Variants in MYH11 observed in about 807,000 individuals in gnomAD.
MYH11 encodes the protein myosin heavy chain 11, also known as myosin-11.
MYH11 carries 80 observed loss-of-function variants against 246.6 expected under a neutral mutation model. That is an observed-to-expected ratio of 0.32 (90% confidence interval 0.27 to 0.39). The LOEUF is 0.39. Among genes scored for constraint, MYH11 ranks in the 10% least tolerant of loss-of-function variants. MYH11 has a pLI of 1.00. For missense variants in MYH11, 2,158 were observed against 2,546.8 expected (o/e 0.85, Z 3.29); for synonymous variants, 1,071 against 1,015.5 (o/e 1.05, Z -1.04).
intron 26 of MYH11, among the ~76,000 whole-genome samples, chr16:15,733,535 G>GT (rs2041027648): frequency 6.7e-6 from 1 of 150,178 alleles, no homozygotes; most frequent in African/African-American, 2.5e-5. Flanking sequence ...ACTCAGCCTG[G>GT]TTTTTTGTTT....
Position 15,786,892 on chromosome 16 carries a change from T to C in MYH11, c.531-160A>G, listed in dbSNP as rs62030569. The stretch of plus-strand genomic sequence containing the variant: ...AACTTGCCCAAGGCCACATCTCTGG[T>C]AGTGAGCGGAACTGGGTCCCCAGCC... On this transcript the variant is annotated intron_variant, in intron 4 of 40. Coordinates refer to ENST00000300036, the MANE Select transcript of MYH11 (RefSeq NM_002474.3). Among the ~76,000 whole-genome samples, 21,115 of 152,134 alleles carry C rather than the reference T, an allele frequency of 0.14. 1,591 individuals carry two copies. Among genetic ancestry groups the C allele is most frequent in the Admixed American group, 0.15 (2,329 of 15,284 alleles).
At chr16:15,726,586 T>TCAAACCC in intron 28 of MYH11, 1 of 562,862 alleles carries the variant, frequency 1.8e-6, no homozygotes, top group East Asian at 3.1e-5. Flanking sequence ...CAGACTGGTC[T>TCAAACCC]CAAACCCCTG....
intron 14 of MYH11, 139 bp downstream of exon 14, chr16:15,756,202 T>G (rs2041710714): frequency 1.1e-6 from 1 of 911,796 alleles, no homozygotes; most frequent in Non-Finnish European, 1.7e-6. Context: ...CGAATAGGAC[T>G]TGGTTGGGAT....
intron 36 of MYH11, chr16:15,718,744 C>T: frequency 2.0e-6 from 1 of 498,328 alleles, no homozygotes; most frequent in South Asian, 2.2e-5. Context: ...AGCCACACCC[C>T]CAAACAGGCA....
chr16:15,710,041 T>C (rs1160712804), intron 40 of MYH11, among the ~76,000 whole-genome samples: 1 of 152,224 alleles, frequency 6.6e-6, no homozygotes, highest in Non-Finnish European at 1.5e-5. Flanking sequence ...AGGGCTCTAG[T>C]GCCTGATTTT....
chr16:15,803,550 G>C lies in MYH11; in HGVS notation c.503-4863C>G, dbSNP rs140936749. On this transcript the variant is annotated intron_variant, in intron 3 of 40. Coordinates refer to ENST00000300036, the MANE Select transcript of MYH11 (RefSeq NM_002474.3). ...CCTCAGCCTCCCAAAGTACTAAAAAGTGATTTTTTAAAAGAGGGTGAAGGA... is the reference window on the plus strand; with the variant it reads ...CCTCAGCCTCCCAAAGTACTAAAAACTGATTTTTTAAAAGAGGGTGAAGGA... 3.2e-3 allele frequency among the ~76,000 whole-genome samples: 483 copies of C among 152,208 alleles called. 1 individual carries two copies. Among genetic ancestry groups the C allele is most frequent in the Non-Finnish European group, 5.5e-3 (371 of 68,006 alleles).
chr16:15,720,699 C>T lies in MYH11; in HGVS notation c.4791+140G>A, dbSNP rs2040420339. The T allele has an allele frequency of 9.2e-6, 9 of 975,260 alleles. No homozygotes were observed. The South Asian group carries it at 1.1e-4, about 12-fold the overall frequency. The allele number at this position is 975,260 out of a possible 1,614,324, so 60.4% of individuals were successfully genotyped here. On this transcript the variant is annotated intron_variant, in intron 33 of 40. Coordinates refer to ENST00000300036, the MANE Select transcript of MYH11 (RefSeq NM_002474.3). ...AGTGAGCTGAGATTACGCCACTGCA[C>T]TCCAGCCTGGGCGACAGAGCGAGAC...
At chr16:15,771,768 T>C (rs1596812322) in intron 8 of MYH11, 56 bp from the exon 9 acceptor site, 1 of 1,603,342 alleles carries the variant, frequency 6.2e-7, no homozygotes, top group Non-Finnish European at 8.5e-7. Context: ...AATTTCAACA[T>C]GAGACCGAGA....
In MYH11 at chr16:15,771,642, G is replaced by A. The variant is rs139211763; in HGVS notation, c.960C>T (p.Ala320=). The A allele has an allele frequency of 1.5e-5, 24 of 1,613,808 alleles. No homozygotes were observed. Among genetic ancestry groups the A allele is most frequent in the Non-Finnish European group, 1.9e-5 (22 of 1,179,984 alleles). The stretch of plus-strand genomic sequence containing the variant: ...TTTCCTGGAACATCTCATCATCCTG[G>A]GCTGCTGGGATGGGCACAAAGCCAT... ...LSNGFVPIPA[A]QDDEMFQETV... The change falls in exon 9 of 41, where the codon GCC becomes GCT. Residue 320 remains alanine, a synonymous_variant. Transcript: ENST00000300036.
At chr16:15,769,208 C>T (rs1211381481) in intron 9 of MYH11, among the ~76,000 whole-genome samples, 2 of 152,118 alleles carry the variant, frequency 1.3e-5, no homozygotes, top group Non-Finnish European at 2.9e-5. Flanking sequence ...CCCAGCTACC[C>T]AGGAGGCTCA....
chr16:15,715,216 A>C lies in MYH11; in HGVS notation c.5561T>G (p.Ile1854Ser). Residue 1854 changes from isoleucine (I) to serine (S), a missense_variant, in exon 39 of 41, where the codon ATC (isoleucine) becomes AGC (serine). By Grantham distance (142) the Ile-to-Ser change is moderately radical (BLOSUM62 -2). This residue lies in a region of MYH11 where 1,013 missense variants were observed against 993.5 expected (regional missense o/e 1.02). Coordinates refer to ENST00000300036, the MANE Select transcript of MYH11 (RefSeq NM_002474.3). ...GCGCTCGTCCTCCACCTGCAGCAAG[A>C]TTTCCTTCAGCTTCTTGTCTTTCTG... Reference protein sequence around the residue: ...LKQKDKKLKEILLQVEDERKM... With the variant: ...LKQKDKKLKESLLQVEDERKM... 1 of 1,614,034 alleles carries C rather than the reference A, an allele frequency of 6.2e-7. No homozygotes were observed. Among genetic ancestry groups the C allele is most frequent in the Non-Finnish European group, 8.5e-7 (1 of 1,180,032 alleles).
intron 4 of MYH11, among the ~76,000 whole-genome samples, chr16:15,794,697 C>T (rs1418048903): frequency 1.1e-4 from 17 of 152,108 alleles, no homozygotes. Flanking sequence ...GATGGGGAAG[C>T]CAGGGAGTTG....
intron 1 of MYH11, among the ~76,000 whole-genome samples, chr16:15,841,829 C>T (rs577973667): frequency 6.6e-6 from 1 of 152,158 alleles, no homozygotes; most frequent in Non-Finnish European, 1.5e-5. Context: ...CCACCAGGAT[C>T]TATGCGTGGT....
intron 4 of MYH11, among the ~76,000 whole-genome samples, chr16:15,789,916 A>G (rs370899892): frequency 2.0e-5 from 3 of 152,218 alleles, no homozygotes; most frequent in Non-Finnish European, 2.9e-5. Context: ...CTGACAAACC[A>G]GTGCTCCTAG....
At chr16:15,710,010 G>A (rs2039688505) in intron 40 of MYH11, among the ~76,000 whole-genome samples, 1 of 152,190 alleles carries the variant, frequency 6.6e-6, no homozygotes, top group South Asian at 2.1e-4. Flanking sequence ...GAGGAGCCAG[G>A]CATGCTTACC....
intron 1 of MYH11, among the ~76,000 whole-genome samples, chr16:15,856,457 T>A (rs72773927): frequency 2.0e-5 from 3 of 151,858 alleles, no homozygotes; most frequent in Non-Finnish European, 4.4e-5. Flanking sequence ...CACTTTGCCC[T>A]TCTGTGTGAT....
chr16:15,728,756 C>T (rs971400951), intron 27 of MYH11, among the ~76,000 whole-genome samples: 4 of 151,930 alleles, frequency 2.6e-5, no homozygotes, highest in Admixed American at 1.3e-4. Flanking sequence ...AAAAATTAGC[C>T]GGGCATGGTG....
At chr16:15,735,255 G>T in intron 26 of MYH11, 111 bp downstream of exon 26, 1 of 1,183,616 alleles carries the variant, frequency 8.4e-7, no homozygotes, top group South Asian at 1.2e-5. Flanking sequence ...CGGCCAGGAA[G>T]GTAAATGCAC....
At chr16:15,756,868 G>A (rs1000936240) in intron 13 of MYH11, among the ~76,000 whole-genome samples, 5 of 140,740 alleles carry the variant, frequency 3.6e-5, no homozygotes, top group Admixed American at 7.6e-5. Flanking sequence ...GCGCGATCTC[G>A]ACTCACTGCA....
Sources: gnomAD v4.1 joint callset for allele counts (sites outside exome capture counted in the v4.1 genomes callset) on GRCh38, gnomAD v4.1.1 for gene constraint, gnomAD v4.1.1 regional missense constraint, MANE v1.5 for transcripts, NCBI Gene and HGNC (gene_info 2026-07-23, HGNC 2026-07-21) for gene names.